The following PTPRD variants were observed in gnomAD, a reference collection of about 807,000 sequenced individuals.
PTPRD encodes the protein receptor-type tyrosine-protein phosphatase delta.
PTPRD carries 34 observed loss-of-function variants against 214.5 expected under a neutral mutation model. That is an observed-to-expected ratio of 0.16 (90% confidence interval 0.12 to 0.21). The LOEUF (loss-of-function observed/expected upper bound fraction) is 0.21, where lower values mean the gene tolerates loss of function less well. Among genes scored for constraint, PTPRD ranks in the 10% least tolerant of loss-of-function variants. PTPRD has a pLI of 1.00. For synonymous variants in PTPRD, 1,128 were observed against 845.7 expected, an observed-to-expected ratio of 1.33 and a Z score of -5.79; for missense variants, 2,545 against 2,398.7, an observed-to-expected ratio of 1.06 and a Z score of -1.27.
chr9:10,580,752 A>G (rs1431990918), intron 2 of PTPRD, among the ~76,000 whole-genome samples: 1 of 152,206 alleles, frequency 6.6e-6, no homozygotes, highest in East Asian at 1.9e-4. Context: ...AAGTGATTGC[A>G]CTGTAAAACA....
intron 5 of PTPRD, among the ~76,000 whole-genome samples, chr9:9,791,198 T>C (rs1004857906): frequency 5.9e-5 from 9 of 151,958 alleles, no homozygotes; most frequent in African/African-American, 2.2e-4. Flanking sequence ...TTTTAAAAGA[T>C]TTTAGTTTAG....
intron 9 of PTPRD, among the ~76,000 whole-genome samples, chr9:9,238,868 G>C (rs187524933): frequency 3.4e-4 from 52 of 152,120 alleles, no homozygotes; most frequent in Non-Finnish European, 7.1e-4. Flanking sequence ...CTGATATTCA[G>C]CCCCTTATTT....
intron 3 of PTPRD, among the ~76,000 whole-genome samples, chr9:10,136,155 A>G (rs2098941649): frequency 6.6e-6 from 1 of 152,016 alleles, no homozygotes; most frequent in South Asian, 2.1e-4. Context: ...TTACATAACA[A>G]TAAAATATTC....
chr9:10,582,721 C>CA (rs564294193), intron 2 of PTPRD, among the ~76,000 whole-genome samples: 3 of 152,058 alleles, frequency 2.0e-5, no homozygotes, highest in Non-Finnish European at 4.4e-5. Flanking sequence ...GACCTACTGA[C>CA]AAAAAAACTT....
chr9:10,281,660 T>C (rs532571199), intron 3 of PTPRD, among the ~76,000 whole-genome samples: 215 of 152,324 alleles, frequency 1.4e-3, no homozygotes, highest in African/African-American at 4.8e-3. Context: ...ACCATACATA[T>C]GTAACAAGTT....
intron 11 of PTPRD, among the ~76,000 whole-genome samples, chr9:8,900,097 G>A (rs938838726): frequency 2.0e-5 from 3 of 152,024 alleles, no homozygotes; most frequent in Non-Finnish European, 2.9e-5. Flanking sequence ...TCTATTCAAC[G>A]ACTGTTGGTC....
chr9:9,474,845 G>C (rs1166290679), intron 8 of PTPRD, among the ~76,000 whole-genome samples: 2 of 151,974 alleles, frequency 1.3e-5, no homozygotes, highest in Admixed American at 6.6e-5. Context: ...AGTTTTTATA[G>C]ATTTTTACAT....
At chr9:9,557,217 C>T (rs2081752184) in intron 8 of PTPRD, among the ~76,000 whole-genome samples, 1 of 152,124 alleles carries the variant, frequency 6.6e-6, no homozygotes, top group Admixed American at 6.5e-5. Context: ...CTAGTTCAGG[C>T]CATGATGGAA....
chr9:10,208,283 G>GGC, intron 3 of PTPRD, among the ~76,000 whole-genome samples: 1 of 152,236 alleles, frequency 6.6e-6, no homozygotes, highest in South Asian at 2.1e-4. Flanking sequence ...GGGTGGCCGA[G>GGC]GAGGGCGGAT....
chr9:9,733,191 A>G (rs1309366978), intron 7 of PTPRD, among the ~76,000 whole-genome samples: 3 of 152,186 alleles, frequency 2.0e-5, no homozygotes, highest in African/African-American at 7.2e-5. Flanking sequence ...TTCTTCACGT[A>G]TCTTGCAGGA....
chr9:9,371,778 C>T (rs925222133), intron 9 of PTPRD, among the ~76,000 whole-genome samples: 1 of 152,208 alleles, frequency 6.6e-6, no homozygotes. Context: ...CTACACACTG[C>T]TTTGAATGTG....
rs1233633047 is a variant in PTPRD, at chr9:9,373,036, T to C, written c.-203+24413A>G. Among the ~76,000 whole-genome samples, 3 of 152,076 alleles carry C rather than the reference T, an allele frequency of 2.0e-5. No individual in the cohort carries two copies. The South Asian group carries it at 6.2e-4, about 31-fold the overall frequency. ...CTTCTACATCTCTGCAAACACTCAA[T>C]GTTATGTATCTTTAATTGCCACTAT... On this transcript the variant is annotated intron_variant, in intron 9 of 45. Coordinates refer to ENST00000381196, the MANE Select transcript of PTPRD (RefSeq NM_002839.4).
intron 7 of PTPRD, among the ~76,000 whole-genome samples, chr9:9,712,931 G>A (rs534415520): frequency 1.3e-5 from 2 of 152,142 alleles, no homozygotes; most frequent in African/African-American, 4.8e-5. Context: ...CCTTGTATAA[G>A]AAATACACAA....
intron 10 of PTPRD, among the ~76,000 whole-genome samples, chr9:9,029,825 A>T (rs888335257): frequency 1.3e-5 from 2 of 151,888 alleles, no homozygotes; most frequent in African/African-American, 4.8e-5. Flanking sequence ...TGTACTTAAG[A>T]CTTCGGTAAA....
At chr9:9,457,710 G>A (rs1003776293) in intron 8 of PTPRD, among the ~76,000 whole-genome samples, 6 of 151,934 alleles carry the variant, frequency 3.9e-5, no homozygotes, top group Non-Finnish European at 7.4e-5. Context: ...CAACCATTAG[G>A]TTTTTTCCAT....
chr9:8,752,603 G>T (rs1200797960), intron 11 of PTPRD, among the ~76,000 whole-genome samples: 3 of 152,086 alleles, frequency 2.0e-5, no homozygotes, highest in African/African-American at 7.2e-5. Context: ...CCCTCTCTTG[G>T]GGTCTGGATC....
At chr9:10,538,563 C>A (rs1414806715) in intron 2 of PTPRD, among the ~76,000 whole-genome samples, 1 of 152,088 alleles carries the variant, frequency 6.6e-6, no homozygotes, top group East Asian at 1.9e-4. Context: ...AGTTTTCCTA[C>A]ATGATTGGTT....
At chr9:8,611,836 A>G (rs1316929170) in intron 14 of PTPRD, among the ~76,000 whole-genome samples, 1 of 145,562 alleles carries the variant, frequency 6.9e-6, no homozygotes, top group Non-Finnish European at 1.5e-5. Context: ...GGAGAAGGAA[A>G]GAGAGCAGGA....
intron 2 of PTPRD, among the ~76,000 whole-genome samples, chr9:10,500,778 T>A (rs1034221798): frequency 6.6e-6 from 1 of 151,944 alleles, no homozygotes; most frequent in African/African-American, 2.4e-5. Flanking sequence ...TTAGCTTCCA[T>A]AAATAAGCAA....
Sources: allele counts gnomAD v4.1 joint callset (sites outside exome capture counted in the v4.1 genomes callset), GRCh38; gene constraint gnomAD v4.1.1; transcripts MANE v1.5; gene names NCBI Gene and HGNC (gene_info 2026-07-23, HGNC 2026-07-21).